ATRNL1: variants seen among roughly 807,000 people sequenced by gnomAD.
ATRNL1 encodes the protein attractin-like protein 1.
Under a neutral mutation model 182.7 loss-of-function variants are expected in ATRNL1, and 95 were observed. The observed-to-expected ratio is 0.52, with a 90% CI of 0.44 to 0.62. The LOEUF (loss-of-function observed/expected upper bound fraction) is 0.62, where lower values mean the gene tolerates loss of function less well. ATRNL1 is among the 20% of genes least tolerant of loss of function. The probability of loss-of-function intolerance (pLI) is 0.00; values close to 1 mark genes in which losing one functional copy is unlikely to be tolerated. For synonymous variants in ATRNL1, 576 were observed against 568.3 expected (o/e 1.01, Z -0.19); for missense variants, 1,471 against 1,679.5 (o/e 0.88, Z 2.17).
chr10:115,418,898 G>T (rs782150639), intron 20 of ATRNL1, among the ~76,000 whole-genome samples: 10 of 152,262 alleles, frequency 6.6e-5, no homozygotes, highest in Middle Eastern at 6.8e-3. Context: ...ACAAACAAAA[G>T]CTGAGGGAAT....
At chr10:115,332,604 ATG>A (rs1554935403) in intron 18 of ATRNL1, among the ~76,000 whole-genome samples, 191 of 152,308 alleles carry the variant, frequency 1.3e-3, no homozygotes, top group African/African-American at 4.3e-3. Context: ...CATAAAGAGG[ATG>A]ATGAGCATTT....
chr10:115,762,558 C>T (rs1473774109), intron 27 of ATRNL1, among the ~76,000 whole-genome samples: 3 of 152,032 alleles, frequency 2.0e-5, no homozygotes, highest in African/African-American at 7.2e-5. Flanking sequence ...TAAGGATTAA[C>T]TTAGAGAACT....
chr10:115,372,240 G>T (rs1041209205), intron 19 of ATRNL1, among the ~76,000 whole-genome samples: 1 of 152,252 alleles, frequency 6.6e-6, no homozygotes, highest in South Asian at 2.1e-4. Flanking sequence ...AGTTGTTTGA[G>T]TTCCTTTTAT....
chr10:115,232,947 A>G (rs1036576742), intron 9 of ATRNL1, among the ~76,000 whole-genome samples: 4 of 152,178 alleles, frequency 2.6e-5, no homozygotes, highest in Admixed American at 6.6e-5. Context: ...TCTGGTGGCT[A>G]AAAGTCTGAA....
intron 19 of ATRNL1, among the ~76,000 whole-genome samples, chr10:115,340,988 A>C (rs1855727199): frequency 6.6e-6 from 1 of 151,230 alleles, no homozygotes; most frequent in South Asian, 2.1e-4. Context: ...CTTTTGTTTC[A>C]TCAGTCTTTT....
At chr10:115,437,169 A>G (rs782193276) in intron 21 of ATRNL1, among the ~76,000 whole-genome samples, 2 of 152,054 alleles carry the variant, frequency 1.3e-5, no homozygotes, top group African/African-American at 4.8e-5. Context: ...TAGAAAGAAC[A>G]TGCAATGTTT....
At chr10:115,642,440 C>CTTTTTTTTT (rs71303504) in intron 26 of ATRNL1, among the ~76,000 whole-genome samples, 1 of 148,818 alleles carries the variant, frequency 6.7e-6, no homozygotes, top group African/African-American at 2.5e-5. Flanking sequence ...AATTCTAGTG[C>CTTTTTTTTT]TTTTTTTTTT....
chr10:115,696,515 G>T (rs1443341617), intron 26 of ATRNL1, among the ~76,000 whole-genome samples: 1 of 152,094 alleles, frequency 6.6e-6, no homozygotes, highest in Non-Finnish European at 1.5e-5. Context: ...ATGTTCCTTT[G>T]GGTATATGCC....
intron 5 of ATRNL1, among the ~76,000 whole-genome samples, chr10:115,143,966 G>A (rs889606458): frequency 6.6e-6 from 1 of 151,044 alleles, no homozygotes; most frequent in Non-Finnish European, 1.5e-5. Flanking sequence ...TCAATAATAT[G>A]AGAATTTTTT....
chr10:115,396,297 T>C (rs1844285609), intron 20 of ATRNL1, among the ~76,000 whole-genome samples: 1 of 151,906 alleles, frequency 6.6e-6, no homozygotes, highest in African/African-American at 2.4e-5. Context: ...TAAATCATTG[T>C]CTTCTGTTCT....
chr10:115,578,250 G>C lies in ATRNL1; in HGVS notation c.3795+28714G>C, dbSNP rs868907941. Among the ~76,000 whole-genome samples the C allele has an allele frequency of 4.6e-5, 7 of 151,868 alleles. No homozygotes were observed. The East Asian group carries it at 9.7e-4, about 21-fold the overall frequency. ...ATGTCTCTGTCAGCTTTGATGTCAG[G>C]GTGATACTAGCTTCATAAGATGAGT... On this transcript the variant is annotated intron_variant, in intron 26 of 28. Transcript: ENST00000355044.
chr10:115,731,044 G>T (rs1215079915), intron 27 of ATRNL1, among the ~76,000 whole-genome samples: 1 of 152,126 alleles, frequency 6.6e-6, no homozygotes, highest in Non-Finnish European at 1.5e-5. Context: ...CAGATGATTG[G>T]ATGGTGCCCA....
At chr10:115,247,099 G>A (rs532677324) in intron 10 of ATRNL1, among the ~76,000 whole-genome samples, 5 of 152,204 alleles carry the variant, frequency 3.3e-5, no homozygotes, top group African/African-American at 9.6e-5. Context: ...ACATGGGTCT[G>A]GAGAAGACTT....
At chr10:115,121,953 T>C (rs1477187994) in intron 3 of ATRNL1, 141 bp downstream of exon 3, 1 of 415,744 alleles carries the variant, frequency 2.4e-6, no homozygotes, top group East Asian at 3.7e-5. Flanking sequence ...CTTTGTTATG[T>C]GCTGTAACTG....
At chr10:115,133,586 C>T (rs1308682841) in intron 5 of ATRNL1, among the ~76,000 whole-genome samples, 1 of 152,112 alleles carries the variant, frequency 6.6e-6, no homozygotes, top group African/African-American at 2.4e-5. Flanking sequence ...TAGACTCCCA[C>T]ACAATAATAA....
At chr10:115,270,955 C>T (rs1177442451) in intron 13 of ATRNL1, among the ~76,000 whole-genome samples, 2 of 152,056 alleles carry the variant, frequency 1.3e-5, no homozygotes, top group African/African-American at 2.4e-5. Context: ...ATAATTCTAC[C>T]TAACATAATA....
intron 27 of ATRNL1, among the ~76,000 whole-genome samples, chr10:115,842,509 C>G (rs949397262): frequency 2.0e-5 from 3 of 152,040 alleles, no homozygotes; most frequent in African/African-American, 7.2e-5. Flanking sequence ...AATCATCCAA[C>G]CTACCTGTTC....
chr10:115,543,385 G>A (rs1852471117), intron 25 of ATRNL1, among the ~76,000 whole-genome samples: 1 of 151,884 alleles, frequency 6.6e-6, no homozygotes, highest in Non-Finnish European at 1.5e-5. Context: ...TCGTTTGTAA[G>A]AAAAAATCCT....
chr10:115,555,621 C>G (rs570626064), intron 26 of ATRNL1, among the ~76,000 whole-genome samples: 41 of 151,928 alleles, frequency 2.7e-4, no homozygotes, highest in Non-Finnish European at 4.9e-4. Flanking sequence ...CAGCAATGAA[C>G]AAGCCAAATA....
Sources: gnomAD v4.1 joint callset for allele counts (sites outside exome capture counted in the v4.1 genomes callset) on GRCh38, gnomAD v4.1.1 for gene constraint, MANE v1.5 for transcripts, NCBI Gene and HGNC (gene_info 2026-07-23, HGNC 2026-07-21) for gene names.